The following CDH12 variants were observed in gnomAD, a reference collection of about 807,000 sequenced individuals.
The protein encoded by CDH12 is cadherin-12.
CDH12 carries 41 observed loss-of-function variants against 74.1 expected under a neutral mutation model. That is an observed-to-expected ratio of 0.55 (90% CI 0.43 to 0.72). The LOEUF (loss-of-function observed/expected upper bound fraction) is 0.72, where lower values mean the gene tolerates loss of function less well. CDH12 is among the 30% of genes least tolerant of loss of function. The pLI, the probability that CDH12 is intolerant of heterozygous loss-of-function variation, is 0.00. For synonymous variants in CDH12, 399 were observed against 355.0 expected, an observed-to-expected ratio of 1.12 and a Z score of -1.39; for missense variants, 945 against 977.2, an observed-to-expected ratio of 0.97 and a Z score of 0.44.
At chr5:22,264,066 A>T (rs997214481) in intron 3 of CDH12, among the ~76,000 whole-genome samples, 1 of 151,584 alleles carries the variant, frequency 6.6e-6, no homozygotes, top group Admixed American at 6.6e-5. Flanking sequence ...ATCTATATGT[A>T]TGTATTTATT....
In CDH12 at chr5:22,037,046, A is replaced by G. The variant is rs147433146; in HGVS notation, c.231+41400T>C. On this transcript the variant is annotated intron_variant, in intron 5 of 14. Transcript: ENST00000382254. ...AACTGAGAGTACAAGGAGAAGAAAC[A>G]AAATTTTTAAAATTAGAAAAACATG... Among the ~76,000 whole-genome samples the G allele has an allele frequency of 2.0e-3, 309 of 152,360 alleles. 2 individuals are homozygous for G. Among genetic ancestry groups the G allele is most frequent in the African/African-American group, 7.1e-3 (296 of 41,594 alleles).
At chr5:22,550,569 G>A (rs1738520197) in intron 1 of CDH12, among the ~76,000 whole-genome samples, 2 of 152,108 alleles carry the variant, frequency 1.3e-5, no homozygotes, top group Admixed American at 6.6e-5. Flanking sequence ...ACACCAAAGT[G>A]TCTCCAGAAT....
At chr5:21,884,104 C>T (rs183910621) in intron 6 of CDH12, 8 of 1,452,812 alleles carry the variant, frequency 5.5e-6, no homozygotes, top group Admixed American at 1.7e-5. Context: ...GGTTATGATG[C>T]TATGGTTGGA....
At chr5:22,523,497 T>C (rs895857374) in intron 1 of CDH12, among the ~76,000 whole-genome samples, 22 of 152,344 alleles carry the variant, frequency 1.4e-4, no homozygotes, top group Admixed American at 2.6e-4. Flanking sequence ...GAACTATTAA[T>C]TTTAATTTCC....
At chr5:22,775,721 G>A (rs1223639940) in intron 1 of CDH12, among the ~76,000 whole-genome samples, 2 of 151,954 alleles carry the variant, frequency 1.3e-5, no homozygotes, top group African/African-American at 4.8e-5. Flanking sequence ...CATGTACTAT[G>A]AATTACATAT....
chr5:22,301,791 C>A (rs1172408228), intron 3 of CDH12, among the ~76,000 whole-genome samples: 7 of 151,838 alleles, frequency 4.6e-5, no homozygotes, highest in Admixed American at 3.3e-4. Context: ...GCCACCATGC[C>A]CAGCTTATTT....
At chr5:22,244,958 A>T (rs538215529) in intron 3 of CDH12, among the ~76,000 whole-genome samples, 3 of 152,056 alleles carry the variant, frequency 2.0e-5, no homozygotes, top group Non-Finnish European at 2.9e-5. Context: ...AGAAAAGAGC[A>T]TTCCTGGAGG....
intron 3 of CDH12, among the ~76,000 whole-genome samples, chr5:22,338,436 A>C (rs896056934): frequency 3.3e-5 from 5 of 152,086 alleles, no homozygotes; most frequent in Non-Finnish European, 5.9e-5. Context: ...AAGGGTACTG[A>C]GAGGGTGGTG....
intron 1 of CDH12, among the ~76,000 whole-genome samples, chr5:22,527,285 T>C (rs553216923): frequency 1.3e-5 from 2 of 152,290 alleles, no homozygotes; most frequent in Admixed American, 6.5e-5. Flanking sequence ...GCTGGGTCTA[T>C]AAACTGGCTT....
chr5:21,767,889 G>A (rs1745114720), intron 11 of CDH12, among the ~76,000 whole-genome samples: 1 of 151,630 alleles, frequency 6.6e-6, no homozygotes, highest in Non-Finnish European at 1.5e-5. Context: ...AATGAATAAT[G>A]CATAGGAGTA....
At chr5:22,124,277 C>T (rs1561136768) in intron 4 of CDH12, among the ~76,000 whole-genome samples, 1 of 152,098 alleles carries the variant, frequency 6.6e-6, no homozygotes, top group South Asian at 2.1e-4. Context: ...GCGTGGGCCA[C>T]CACGCCCAGC....
intron 3 of CDH12, among the ~76,000 whole-genome samples, chr5:22,368,886 T>C (rs1181878290): frequency 6.6e-6 from 1 of 152,112 alleles, no homozygotes; most frequent in Non-Finnish European, 1.5e-5. Flanking sequence ...GCCTGCACTT[T>C]GGGAGGCCGA....
At chr5:22,325,757 A>C (rs1412047147) in intron 3 of CDH12, among the ~76,000 whole-genome samples, 1 of 151,962 alleles carries the variant, frequency 6.6e-6, no homozygotes, top group Non-Finnish European at 1.5e-5. Context: ...AAATACAAAA[A>C]ATTAGCCGGG....
chr5:21,760,468 A>G (rs1323462769), intron 13 of CDH12, 90 bp downstream of exon 13: 1 of 704,188 alleles, frequency 1.4e-6, no homozygotes, highest in Non-Finnish European at 2.6e-6. Context: ...TATGAAATTA[A>G]GTGCTTCAAA....
rs1313754993 is a variant in CDH12 at position 22,205,635 on chromosome 5, C to G, written c.-187+6863G>C. ...AAAGAAGAGAGATGAAATCAATATC[C>G]TTGCAATTCAGTTTTGGGAGAGAAG... On this transcript the variant is annotated intron_variant, in intron 4 of 14. Transcript: ENST00000382254. Among the ~76,000 whole-genome samples the G allele has an allele frequency of 2.0e-4, 31 of 152,106 alleles. No homozygotes were observed. The East Asian group carries it at 2.5e-3, about 12-fold the overall frequency.
At chr5:21,804,645 C>T (rs62348725) in intron 9 of CDH12, among the ~76,000 whole-genome samples, 25,312 of 77,786 alleles carry the variant, frequency 0.33, 3,059 homozygotes, top group South Asian at 0.39. Context: ...TGAATTAAAA[C>T]ACACACACAC....
chr5:22,035,706 T>TCACACACACACACACA (rs1386026784), intron 5 of CDH12, among the ~76,000 whole-genome samples: 6 of 116,958 alleles, frequency 5.1e-5, no homozygotes, highest in African/African-American at 1.8e-4. Context: ...TTTTTACACT[T>TCACACACACACACACA]CACACATACA....
chr5:22,687,568 C>T (rs147927151), intron 1 of CDH12, among the ~76,000 whole-genome samples: 224 of 151,976 alleles, frequency 1.5e-3, no homozygotes, highest in African/African-American at 5.3e-3. Flanking sequence ...CCACCAATGC[C>T]CAGGACATAT....
At chr5:21,975,456 G>A (rs1359489392) in intron 5 of CDH12, 71 bp from the exon 6 acceptor site, 9 of 1,074,410 alleles carry the variant, frequency 8.4e-6, no homozygotes, top group Non-Finnish European at 1.2e-5. Context: ...TTAAAAGGAT[G>A]TGCCAAATTA....
Sources: allele counts gnomAD v4.1 joint callset (sites outside exome capture counted in the v4.1 genomes callset), GRCh38; gene constraint gnomAD v4.1.1; transcripts MANE v1.5; gene names NCBI Gene and HGNC (gene_info 2026-07-23, HGNC 2026-07-21).